The following MYO5B variants were observed in gnomAD, a reference collection of about 807,000 sequenced individuals.
The protein encoded by MYO5B is myosin VB.
A neutral mutation model predicts 229.3 loss-of-function variants in MYO5B; 143 were observed. The observed-to-expected ratio is 0.62, with a 90% confidence interval of 0.54 to 0.72. MYO5B has a LOEUF of 0.72. MYO5B is among the 30% of genes least tolerant of loss of function. MYO5B has a pLI of 0.00. For synonymous variants in MYO5B, 918 were observed against 885.2 expected (o/e 1.04, Z -0.66); for missense variants, 2,321 against 2,331.0 (o/e 1.00, Z 0.09).
intron 2 of MYO5B, among the ~76,000 whole-genome samples, chr18:50,043,372 TATATA>T (rs1323662514): frequency 1.1e-4 from 8 of 73,490 alleles, no homozygotes; most frequent in East Asian, 3.9e-4. Flanking sequence ...TATTATATAA[TATATA>T]ATATATTAAA....
intron 15 of MYO5B, among the ~76,000 whole-genome samples, chr18:49,936,576 G>A (rs1469681391): frequency 6.6e-6 from 1 of 152,006 alleles, no homozygotes; most frequent in Non-Finnish European, 1.5e-5. Context: ...ATTACATGGG[G>A]GACAGACTAC....
At chr18:50,093,476 A>G (rs2031490538) in intron 1 of MYO5B, among the ~76,000 whole-genome samples, 1 of 152,194 alleles carries the variant, frequency 6.6e-6, no homozygotes, top group South Asian at 2.1e-4. Flanking sequence ...TGGGATGTTA[A>G]CAAATCATCA....
chr18:50,187,682 A>T (rs978668510), intron 1 of MYO5B, among the ~76,000 whole-genome samples: 2 of 151,812 alleles, frequency 1.3e-5, no homozygotes, highest in African/African-American at 4.8e-5. Context: ...CACCCAGCTA[A>T]TTTTTTCTAT....
intron 1 of MYO5B, among the ~76,000 whole-genome samples, chr18:50,063,048 A>G (rs1027725711): frequency 2.0e-5 from 3 of 152,150 alleles, no homozygotes; most frequent in Non-Finnish European, 2.9e-5. Context: ...AGTTCTTACT[A>G]TGGCAGGACT....
chr18:49,848,127 A>G (rs1739001750), intron 32 of MYO5B, among the ~76,000 whole-genome samples: 2 of 152,350 alleles, frequency 1.3e-5, no homozygotes, highest in African/African-American at 4.8e-5. Flanking sequence ...AACAGATACA[A>G]TGGCATGCTT....
chr18:50,133,298 A>G (rs1022465465), intron 1 of MYO5B, among the ~76,000 whole-genome samples: 3 of 152,238 alleles, frequency 2.0e-5, no homozygotes, highest in African/African-American at 7.2e-5. Context: ...AAAAATAAGC[A>G]CAAACAAAAT....
intron 25 of MYO5B, among the ~76,000 whole-genome samples, chr18:49,876,665 A>T (rs1041368270): frequency 2.6e-5 from 4 of 152,222 alleles, no homozygotes; most frequent in African/African-American, 9.6e-5. Flanking sequence ...CACCAGGGTG[A>T]TAAGCCTGGA....
rs1568613359 is a variant in MYO5B, at chr18:49,859,305, TA to T, written c.3945-2416del. On this transcript the variant is annotated intron_variant, in intron 29 of 39. Transcript: ENST00000285039. The stretch of plus-strand genomic sequence containing the variant: ...TTGCAAAGGTTTCTTCCAGATCTTA[TA>T]AAAAGCCAGACAAGGCCTAGGATAA... Among the ~76,000 whole-genome samples the T allele has an allele frequency of 2.6e-5, 4 of 152,328 alleles. No homozygotes were observed. In the South Asian group the frequency reaches 8.3e-4, roughly 32 times the overall value.
intron 1 of MYO5B, among the ~76,000 whole-genome samples, chr18:50,080,151 A>G (rs2031183973): frequency 6.6e-6 from 1 of 152,214 alleles, no homozygotes; most frequent in Non-Finnish European, 1.5e-5. Flanking sequence ...GAAACAACCC[A>G]TCAACCAGTA....
chr18:50,077,612 A>G (rs1297261690), intron 1 of MYO5B, among the ~76,000 whole-genome samples: 1 of 152,002 alleles, frequency 6.6e-6, no homozygotes, highest in Non-Finnish European at 1.5e-5. Context: ...TAGATTCATA[A>G]TGCTTAACTA....
intron 1 of MYO5B, among the ~76,000 whole-genome samples, chr18:50,161,915 A>G (rs2032772703): frequency 6.6e-6 from 1 of 152,244 alleles, no homozygotes. Context: ...CCCATTCAGG[A>G]AGCTGGGGAG....
chr18:49,973,265 T>C (rs1203680813), intron 10 of MYO5B, among the ~76,000 whole-genome samples: 1 of 152,192 alleles, frequency 6.6e-6, no homozygotes, highest in African/African-American at 2.4e-5. Context: ...CATAGTTCAA[T>C]TTGAAACCCA....
Position 49,967,539 on chromosome 18 carries a change from G to A in MYO5B, c.1323-4509C>T, listed in dbSNP as rs535401900. Among the ~76,000 whole-genome samples the A allele has an allele frequency of 1.4e-4, 21 of 152,322 alleles. No individual in the cohort carries two copies. In the South Asian group the frequency reaches 3.1e-3, roughly 23 times the overall value. On this transcript the variant is annotated intron_variant, in intron 10 of 39. Transcript: ENST00000285039. Reference sequence around the variant, plus strand: ...TGGTAGACTGAAAAGATGGACTACAGATTAGATACAGACGATAGCTTCCAG... The same window carrying A: ...TGGTAGACTGAAAAGATGGACTACAAATTAGATACAGACGATAGCTTCCAG...
intron 2 of MYO5B, among the ~76,000 whole-genome samples, chr18:50,047,513 A>G (rs549644249): frequency 2.6e-5 from 4 of 152,350 alleles, no homozygotes; most frequent in African/African-American, 9.6e-5. Context: ...TAGTTCAACC[A>G]TTGTGGAAGT....
chr18:50,136,060 C>T (rs2032329792), intron 1 of MYO5B, among the ~76,000 whole-genome samples: 2 of 152,244 alleles, frequency 1.3e-5, no homozygotes, highest in African/African-American at 4.8e-5. Flanking sequence ...TCTAAGCCTG[C>T]CCCACAGCAT....
chr18:50,193,844 G>A (rs1350445057), intron 1 of MYO5B, among the ~76,000 whole-genome samples: 2 of 152,230 alleles, frequency 1.3e-5, no homozygotes, highest in Non-Finnish European at 2.9e-5. Context: ...GGTCCCGGGC[G>A]GCTGCAGCGC....
chr18:49,939,158 T>C (rs2025285902), intron 14 of MYO5B, among the ~76,000 whole-genome samples: 1 of 149,534 alleles, frequency 6.7e-6, no homozygotes, highest in South Asian at 2.1e-4. Flanking sequence ...CTTTTTTTTT[T>C]TTTTTTTTGA....
chr18:50,108,120 C>T (rs970364852), intron 1 of MYO5B, among the ~76,000 whole-genome samples: 2 of 152,176 alleles, frequency 1.3e-5, no homozygotes, highest in African/African-American at 4.8e-5. Context: ...TGTTGCCAGG[C>T]TGGTCTTGAA....
Position 50,096,974 on chromosome 18 carries a change from G to A in MYO5B, c.28-41596C>T, listed in dbSNP as rs1381502154. ...GCCTCACCTGGCATCCATCCACAGG[G>A]TCAGTGCTTATGCTGGGCCTGGCTC... On this transcript the variant is annotated intron_variant, in intron 1 of 39. Coordinates refer to ENST00000285039, the MANE Select transcript of MYO5B (RefSeq NM_001080467.3). 3.3e-5 allele frequency among the ~76,000 whole-genome samples: 5 copies of A among 152,182 alleles called. No homozygotes were observed. In the East Asian group the frequency reaches 9.6e-4, roughly 29 times the overall value.
Sources: allele counts gnomAD v4.1 joint callset (sites outside exome capture counted in the v4.1 genomes callset), GRCh38; gene constraint gnomAD v4.1.1; transcripts MANE v1.5; gene names NCBI Gene and HGNC (gene_info 2026-07-23, HGNC 2026-07-21).